Variants in AGMO observed in about 807,000 individuals in gnomAD.
AGMO encodes alkylglycerol monooxygenase, also known as glyceryl-ether monooxygenase.
Under a neutral mutation model 60.2 loss-of-function variants are expected in AGMO, and 75 were observed. That is an observed-to-expected ratio of 1.25 (90% CI 1.03 to 1.51). AGMO has a LOEUF of 1.51. Ranked by LOEUF, AGMO falls within the 40% of genes most tolerant of loss-of-function variation. The pLI is 0.00. For missense variants in AGMO, 763 were observed against 525.5 expected, an observed-to-expected ratio of 1.45 and a Z score of -4.42; for synonymous variants, 261 against 177.1, an observed-to-expected ratio of 1.47 and a Z score of -3.76.
intron 12 of AGMO, chr7:15,306,618 T>C: frequency 7.1e-6 from 3 of 424,720 alleles, no homozygotes; most frequent in Non-Finnish European, 1.4e-5. Context: ...GTTACCTTGC[T>C]AAAAAGTTAA....
intron 12 of AGMO, among the ~76,000 whole-genome samples, chr7:15,340,474 A>C (rs924805620): frequency 2.0e-5 from 3 of 152,198 alleles, no homozygotes; most frequent in Non-Finnish European, 4.4e-5. Flanking sequence ...ACAGGCCAGG[A>C]GGCCTCGGGG....
Position 15,365,588 on chromosome 7 carries a change from A to C in AGMO, c.1189T>G (p.Cys397Gly), listed in dbSNP as rs1436669228. 2 of 1,612,720 alleles carry C rather than the reference A, an allele frequency of 1.2e-6. No individual in the cohort carries two copies. Among genetic ancestry groups the C allele is most frequent in the Non-Finnish European group, 1.7e-6 (2 of 1,179,090 alleles). ...PKAAIMETLR[C>G]LMFLMLYRFG... Reference sequence around the variant, plus strand: ...CGGTACAGCATTAAGAACATCAAGCAACGGAGAGTTTCCATAATAGCTGCC... The same window carrying C: ...CGGTACAGCATTAAGAACATCAAGCCACGGAGAGTTTCCATAATAGCTGCC... The change falls in exon 12 of 13, where the codon TGC becomes GGC. Residue 397 changes from cysteine (C) to glycine (G), a missense_variant. Coordinates refer to ENST00000342526, the MANE Select transcript of AGMO (RefSeq NM_001004320.2).
At chr7:15,405,752 T>A (rs1784668047) in intron 5 of AGMO, among the ~76,000 whole-genome samples, 1 of 151,758 alleles carries the variant, frequency 6.6e-6, no homozygotes, top group Non-Finnish European at 1.5e-5. Flanking sequence ...GGTCAGAGAG[T>A]CTAAGTAAGT....
At chr7:15,374,787 G>T (rs1341509458) in intron 10 of AGMO, among the ~76,000 whole-genome samples, 3 of 152,070 alleles carry the variant, frequency 2.0e-5, no homozygotes, top group Non-Finnish European at 4.4e-5. Context: ...TGTGGAGAAA[G>T]AGCCAGGATT....
intron 12 of AGMO, among the ~76,000 whole-genome samples, chr7:15,356,926 G>A (rs376696655): frequency 2.7e-5 from 4 of 147,278 alleles, no homozygotes; most frequent in East Asian, 4.0e-4. Context: ...TGGCCAACAT[G>A]GCGAAATCCC....
At chr7:15,289,030 C>T (rs74844157) in intron 12 of AGMO, among the ~76,000 whole-genome samples, 9,479 of 151,696 alleles carry the variant, frequency 0.062, 472 homozygotes, top group South Asian at 0.19. Flanking sequence ...TATTTTGAAA[C>T]ATTTTTTCTC....
intron 10 of AGMO, among the ~76,000 whole-genome samples, chr7:15,371,055 T>A (rs918177225): frequency 3.3e-5 from 5 of 152,148 alleles, no homozygotes; most frequent in Non-Finnish European, 7.3e-5. Flanking sequence ...GATAGCTGGC[T>A]AGCCATATGC....
intron 12 of AGMO, among the ~76,000 whole-genome samples, chr7:15,260,689 C>G (rs1348376672): frequency 6.6e-6 from 1 of 152,056 alleles, no homozygotes; most frequent in Admixed American, 6.6e-5. Context: ...ACAGAACATT[C>G]TACCCAACAA....
At chr7:15,550,545 A>C (rs1170231789) in intron 2 of AGMO, among the ~76,000 whole-genome samples, 2 of 152,022 alleles carry the variant, frequency 1.3e-5, no homozygotes, top group Non-Finnish European at 2.9e-5. Context: ...ACACCTCTAC[A>C]CAAATAAACT....
intron 12 of AGMO, among the ~76,000 whole-genome samples, chr7:15,359,763 T>C (rs1347674500): frequency 6.6e-6 from 1 of 152,242 alleles, no homozygotes; most frequent in Non-Finnish European, 1.5e-5. Flanking sequence ...TGTTTTATTG[T>C]ATGTTACATG....
chr7:15,291,666 G>A (rs142574184), intron 12 of AGMO, among the ~76,000 whole-genome samples: 39 of 152,200 alleles, frequency 2.6e-4, no homozygotes, highest in African/African-American at 8.9e-4. Flanking sequence ...GTTGAACAGT[G>A]GGTACAAAGA....
chr7:15,342,271 G>C (rs760541618), intron 12 of AGMO, among the ~76,000 whole-genome samples: 6 of 150,718 alleles, frequency 4.0e-5, no homozygotes, highest in Non-Finnish European at 8.9e-5. Flanking sequence ...GAAAGCCATG[G>C]TCAGCAAGGG....
At chr7:15,465,936 G>A (rs965093212) in intron 3 of AGMO, among the ~76,000 whole-genome samples, 1 of 151,842 alleles carries the variant, frequency 6.6e-6, no homozygotes, top group African/African-American at 2.4e-5. Flanking sequence ...GAATGCAAAT[G>A]GAATAAAAAT....
In AGMO at chr7:15,451,189, T is replaced by C. The variant is rs538464232; in HGVS notation, c.410-20081A>G. Among the ~76,000 whole-genome samples the C allele has an allele frequency of 5.9e-5, 9 of 152,300 alleles. No individual in the cohort carries two copies. In the South Asian group the frequency reaches 1.9e-3, roughly 32 times the overall value. On this transcript the variant is annotated intron_variant, in intron 3 of 12. Coordinates refer to ENST00000342526, the MANE Select transcript of AGMO (RefSeq NM_001004320.2). ...GCAAACAATTTTATAGAGAGAGGTA[T>C]ATAGATACATATTTGTCAGTGGAAA...
intron 2 of AGMO, among the ~76,000 whole-genome samples, chr7:15,552,451 A>G (rs1784992391): frequency 6.6e-6 from 1 of 151,650 alleles, no homozygotes; most frequent in Admixed American, 6.6e-5. Context: ...CAGAATCTAC[A>G]ATGAACTCAA....
intron 3 of AGMO, among the ~76,000 whole-genome samples, chr7:15,524,651 T>C (rs1673994707): frequency 6.6e-6 from 1 of 151,792 alleles, no homozygotes; most frequent in Non-Finnish European, 1.5e-5. Context: ...TCACCTAAGG[T>C]TGGGAGTTTG....
chr7:15,376,844 C>T (rs1284460240), intron 10 of AGMO, among the ~76,000 whole-genome samples: 1 of 152,002 alleles, frequency 6.6e-6, no homozygotes, highest in Non-Finnish European at 1.5e-5. Context: ...GGTCATATCA[C>T]TAAACTAAAC....
In AGMO at chr7:15,353,386, G is replaced by T. The variant is rs555689842; in HGVS notation, c.1263+12128C>A. ...CCAAACAATCTAATTAATGGGGATT[G>T]TATTCATGTTATAACTCACTCAAAA... On this transcript the variant is annotated intron_variant, in intron 12 of 12. Coordinates refer to ENST00000342526, the MANE Select transcript of AGMO (RefSeq NM_001004320.2). Among the ~76,000 whole-genome samples the T allele has an allele frequency of 9.9e-5, 15 of 152,242 alleles. No homozygotes were observed. In the South Asian group the frequency reaches 2.9e-3, roughly 29 times the overall value.
intron 12 of AGMO, among the ~76,000 whole-genome samples, chr7:15,332,825 AATG>A (rs1168984568): frequency 6.6e-6 from 1 of 152,288 alleles, no homozygotes; most frequent in South Asian, 2.1e-4. Context: ...TTAAATACAT[AATG>A]ATATTTAAAA....
Sources: allele counts gnomAD v4.1 joint callset (sites outside exome capture counted in the v4.1 genomes callset), GRCh38; gene constraint gnomAD v4.1.1; transcripts MANE v1.5; gene names NCBI Gene and HGNC (gene_info 2026-07-23, HGNC 2026-07-21).